CSMD1: variants seen among roughly 807,000 people sequenced by gnomAD.
CSMD1 encodes the protein CUB and Sushi multiple domains 1.
In CSMD1, 213 loss-of-function variants were observed where a neutral mutation model predicts 417.5. The observed-to-expected ratio is 0.51, with a 90% confidence interval of 0.46 to 0.57. CSMD1 has a LOEUF of 0.57. CSMD1 is among the 20% of genes least tolerant of loss of function. The pLI is 0.00. For synonymous variants in CSMD1, 2,862 were observed against 1,736.8 expected, an observed-to-expected ratio of 1.65 and a Z score of -16.11; for missense variants, 6,923 against 4,529.7, an observed-to-expected ratio of 1.53 and a Z score of -15.17.
chr8:4,478,002 G>A (rs545100391), intron 2 of CSMD1, among the ~76,000 whole-genome samples: 40 of 152,154 alleles, frequency 2.6e-4, no homozygotes, highest in Non-Finnish European at 4.3e-4. Flanking sequence ...GTTAAGTACC[G>A]GGAACTCAGT....
At chr8:4,935,644 GAT>G (rs1272483567) in intron 1 of CSMD1, among the ~76,000 whole-genome samples, 10 of 152,226 alleles carry the variant, frequency 6.6e-5, no homozygotes, top group Non-Finnish European at 1.3e-4. Context: ...ACTCTCTCTC[GAT>G]GATATCACCA....
chr8:3,772,046 G>A (rs758065729), intron 5 of CSMD1, among the ~76,000 whole-genome samples: 35 of 151,718 alleles, frequency 2.3e-4, no homozygotes, highest in Admixed American at 9.2e-4. Flanking sequence ...CTTCTAGTGC[G>A]AGCATCTGAG....
At chr8:3,947,451 T>A (rs948990183) in intron 5 of CSMD1, among the ~76,000 whole-genome samples, 1 of 152,212 alleles carries the variant, frequency 6.6e-6, no homozygotes, top group Non-Finnish European at 1.5e-5. Context: ...AAAGGTTTTT[T>A]CTGTTTTCGT....
At chr8:4,247,393 G>C (rs779384701) in intron 3 of CSMD1, among the ~76,000 whole-genome samples, 1 of 152,132 alleles carries the variant, frequency 6.6e-6, no homozygotes, top group Non-Finnish European at 1.5e-5. Flanking sequence ...TTGTAGAATT[G>C]GTTGCATCTC....
intron 1 of CSMD1, chr8:4,787,934 A>T (rs980093093): frequency 3.1e-6 from 5 of 1,593,476 alleles, no homozygotes; most frequent in African/African-American, 1.3e-5. Context: ...TTGCTGATGT[A>T]ATTGACAATG....
intron 1 of CSMD1, among the ~76,000 whole-genome samples, chr8:4,780,450 T>C (rs939821080): frequency 3.3e-5 from 5 of 152,224 alleles, no homozygotes; most frequent in Non-Finnish European, 5.9e-5. Context: ...CCTACCTACC[T>C]ACCTATCATC....
chr8:4,160,498 G>A (rs1797090906), intron 3 of CSMD1, among the ~76,000 whole-genome samples: 1 of 152,138 alleles, frequency 6.6e-6, no homozygotes, highest in Non-Finnish European at 1.5e-5. Context: ...AACATCGGTT[G>A]AAAGTCAGAC....
rs75111853 is a variant in CSMD1 at position 3,402,667 on chromosome 8, T to A, written c.2267-3138A>T. On this transcript the variant is annotated intron_variant, in intron 15 of 69. Transcript: ENST00000635120. ...AGTTATATTATTTTTATGGTATGGA[T>A]AATTTCTCTTTTATGTTACCAAATA... is the stretch of plus-strand genomic sequence containing the variant. 7.4e-4 allele frequency among the ~76,000 whole-genome samples: 112 copies of A among 152,312 alleles called. 2 individuals are homozygous for A. The East Asian group carries it at 0.017, about 23-fold the overall frequency.
At chr8:3,881,453 G>A (rs1189666246) in intron 5 of CSMD1, among the ~76,000 whole-genome samples, 4 of 151,308 alleles carry the variant, frequency 2.6e-5, no homozygotes, top group Non-Finnish European at 5.9e-5. Flanking sequence ...TGGTCAAGAT[G>A]GTGAAACCCT....
chr8:4,334,570 G>A (rs935347432), intron 3 of CSMD1, among the ~76,000 whole-genome samples: 7 of 152,130 alleles, frequency 4.6e-5, no homozygotes, highest in Non-Finnish European at 8.8e-5. Flanking sequence ...ATTGATGGAT[G>A]ACAGAGAGAC....
At chr8:4,917,475 A>C (rs1248599001) in intron 1 of CSMD1, among the ~76,000 whole-genome samples, 1 of 152,092 alleles carries the variant, frequency 6.6e-6, no homozygotes, top group Non-Finnish European at 1.5e-5. Context: ...TCTACTAAAA[A>C]TACAAAAAAT....
intron 7 of CSMD1, among the ~76,000 whole-genome samples, chr8:3,624,248 A>G (rs117984961): frequency 0.023 from 3,533 of 152,300 alleles, 64 homozygotes; most frequent in South Asian, 0.058. Flanking sequence ...ACGAGTCTTT[A>G]GTCCAAACCA....
At chr8:4,398,338 G>C (rs925668641) in intron 3 of CSMD1, among the ~76,000 whole-genome samples, 1 of 148,872 alleles carries the variant, frequency 6.7e-6, no homozygotes, top group Non-Finnish European at 1.5e-5. Flanking sequence ...AGGACTGATA[G>C]CTTTAAAAGT....
At chr8:4,781,839 C>G (rs1797165851) in intron 1 of CSMD1, among the ~76,000 whole-genome samples, 1 of 152,120 alleles carries the variant, frequency 6.6e-6, no homozygotes, top group African/African-American at 2.4e-5. Flanking sequence ...GATGACGGTT[C>G]CATATTTTAG....
intron 1 of CSMD1, among the ~76,000 whole-genome samples, chr8:4,704,943 G>T (rs1368921671): frequency 1.3e-5 from 2 of 152,170 alleles, no homozygotes; most frequent in Non-Finnish European, 2.9e-5. Context: ...GGGTAGTATG[G>T]TTTGGCTCTG....
At chr8:3,063,758 T>C (rs1812743175) in intron 49 of CSMD1, among the ~76,000 whole-genome samples, 1 of 152,158 alleles carries the variant, frequency 6.6e-6, no homozygotes, top group Non-Finnish European at 1.5e-5. Context: ...TCTACTTATG[T>C]GAGGTGCCTA....
chr8:4,814,638 G>T (rs559392050), intron 1 of CSMD1, among the ~76,000 whole-genome samples: 3 of 152,150 alleles, frequency 2.0e-5, no homozygotes, highest in Non-Finnish European at 4.4e-5. Context: ...GGGTCTTCAT[G>T]TGCTGTATAC....
intron 3 of CSMD1, among the ~76,000 whole-genome samples, chr8:4,214,230 G>C (rs950015001): frequency 6.6e-6 from 1 of 152,174 alleles, no homozygotes; most frequent in African/African-American, 2.4e-5. Flanking sequence ...GGACTAAAAT[G>C]GAAGTAAGCC....
chr8:4,156,010 CA>C (rs1796814923), intron 3 of CSMD1, among the ~76,000 whole-genome samples: 1 of 152,124 alleles, frequency 6.6e-6, no homozygotes, highest in African/African-American at 2.4e-5. Flanking sequence ...CTAATGGAGT[CA>C]CAGACCCAGT....
Sources: allele counts gnomAD v4.1 joint callset (sites outside exome capture counted in the v4.1 genomes callset), GRCh38; gene constraint gnomAD v4.1.1; transcripts MANE v1.5; gene names NCBI Gene and HGNC (gene_info 2026-07-23, HGNC 2026-07-21).